Variants in NTM observed in about 807,000 individuals in gnomAD.
The protein encoded by NTM is IgLON family member 2.
Under a neutral mutation model 42.1 loss-of-function variants are expected in NTM, and 13 were observed. The observed-to-expected ratio is 0.31, with a 90% CI of 0.20 to 0.49. The LOEUF is 0.49. Ranked by LOEUF, NTM falls within the 20% of genes least tolerant of loss-of-function variation. The pLI is 0.99. For synonymous variants in NTM, 187 were observed against 179.2 expected (o/e 1.04, Z -0.35); for missense variants, 373 against 452.8 (o/e 0.82, Z 1.60).
At chr11:131,623,787 G>A (rs1287342854) in intron 1 of NTM, among the ~76,000 whole-genome samples, 2 of 152,220 alleles carry the variant, frequency 1.3e-5, no homozygotes, top group African/African-American at 4.8e-5. Flanking sequence ...GTGTAGGCTG[G>A]GAATGGAAAG....
At chr11:131,522,011 C>T (rs182870593) in intron 1 of NTM, among the ~76,000 whole-genome samples, 171 of 152,108 alleles carry the variant, frequency 1.1e-3, no homozygotes, top group Non-Finnish European at 1.9e-3. Flanking sequence ...TTTAAATTGA[C>T]GTGATTTATA....
intron 2 of NTM, among the ~76,000 whole-genome samples, chr11:132,112,364 A>T (rs534293694): frequency 2.4e-4 from 37 of 152,290 alleles, no homozygotes; most frequent in African/African-American, 8.7e-4. Context: ...TTAGGGGAAA[A>T]ATTTCTAAGG....
chr11:131,695,571 C>T (rs965894495), intron 1 of NTM, among the ~76,000 whole-genome samples: 2 of 152,100 alleles, frequency 1.3e-5, no homozygotes, highest in Admixed American at 6.5e-5. Flanking sequence ...CCCAACAAAC[C>T]TTGTCAGTCT....
At chr11:131,900,728 G>A (rs1213940653) in intron 1 of NTM, among the ~76,000 whole-genome samples, 1 of 152,176 alleles carries the variant, frequency 6.6e-6, no homozygotes, top group Non-Finnish European at 1.5e-5. Context: ...GATTAAAAGT[G>A]ACTCGATTTC....
intron 1 of NTM, among the ~76,000 whole-genome samples, chr11:131,445,198 G>A (rs1949960829): frequency 6.6e-6 from 1 of 152,180 alleles, no homozygotes; most frequent in African/African-American, 2.4e-5. Context: ...GCTTCTGAGA[G>A]CTGCATTGTA....
At chr11:131,974,566 A>G (rs953519833) in intron 2 of NTM, among the ~76,000 whole-genome samples, 3 of 152,342 alleles carry the variant, frequency 2.0e-5, no homozygotes, top group Admixed American at 2.0e-4. Flanking sequence ...AGAGGTGCAC[A>G]AAAGATACGT....
intron 1 of NTM, among the ~76,000 whole-genome samples, chr11:131,467,714 G>A (rs1003920545): frequency 1.3e-5 from 2 of 152,198 alleles, no homozygotes; most frequent in Admixed American, 1.3e-4. Context: ...TAGAATTACT[G>A]AAATGCTCAA....
chr11:131,416,177 A>C (rs1428015899), intron 1 of NTM, among the ~76,000 whole-genome samples: 2 of 151,142 alleles, frequency 1.3e-5, no homozygotes, highest in Non-Finnish European at 2.9e-5. Flanking sequence ...TGAATTAGGA[A>C]GTTTCTTCTT....
intron 1 of NTM, among the ~76,000 whole-genome samples, chr11:131,614,558 G>A (rs527294655): frequency 2.2e-4 from 33 of 152,336 alleles, no homozygotes; most frequent in African/African-American, 7.9e-4. Flanking sequence ...GGGCAGGGGT[G>A]CAGGATTATT....
chr11:131,422,443 T>C (rs1947636159), intron 1 of NTM, among the ~76,000 whole-genome samples: 1 of 152,170 alleles, frequency 6.6e-6, no homozygotes, highest in African/African-American at 2.4e-5. Context: ...CGTACCTGAG[T>C]CTTTAAGGGA....
At chr11:131,972,042 C>CAAAAAAAAAAAAAAAAAAAAAAAAAAA (rs61627120) in intron 2 of NTM, among the ~76,000 whole-genome samples, 1 of 57,842 alleles carries the variant, frequency 1.7e-5, no homozygotes, top group African/African-American at 6.8e-5. Flanking sequence ...GACTCCGTCT[C>CAAAAAAAAAAAAAAAAAAAAAAAAAAA]AAAAAAAAAA....
chr11:131,659,097 T>G (rs937575952), intron 1 of NTM, among the ~76,000 whole-genome samples: 16 of 152,110 alleles, frequency 1.1e-4, no homozygotes, highest in Middle Eastern at 3.2e-3. Flanking sequence ...TCCCTCAGGG[T>G]CCAGAGCAGG....
At chr11:131,447,462 C>T (rs1176535635) in intron 1 of NTM, among the ~76,000 whole-genome samples, 2 of 152,242 alleles carry the variant, frequency 1.3e-5, no homozygotes, top group East Asian at 1.9e-4. Flanking sequence ...TCCCTGTGGC[C>T]GTGCAGGCTG....
intron 1 of NTM, among the ~76,000 whole-genome samples, chr11:131,756,573 A>G (rs1422563427): frequency 6.6e-6 from 1 of 151,550 alleles, no homozygotes; most frequent in Non-Finnish European, 1.5e-5. Context: ...TTGTGGTCCC[A>G]GCTACTGGGG....
At chr11:132,079,392 A>G (rs1210658929) in intron 2 of NTM, among the ~76,000 whole-genome samples, 2 of 152,176 alleles carry the variant, frequency 1.3e-5, no homozygotes, top group Non-Finnish European at 2.9e-5. Context: ...ATCAACACCT[A>G]TAAACTCTAG....
At chr11:131,412,644 T>C (rs1946547833) in intron 1 of NTM, among the ~76,000 whole-genome samples, 1 of 152,202 alleles carries the variant, frequency 6.6e-6, no homozygotes, top group South Asian at 2.1e-4. Flanking sequence ...TGCTGAGTGA[T>C]GTGGTTTATT....
intron 1 of NTM, among the ~76,000 whole-genome samples, chr11:131,650,853 G>A (rs2066395341): frequency 6.6e-6 from 1 of 152,318 alleles, no homozygotes; most frequent in Middle Eastern, 3.4e-3. Context: ...TCAGGGGTTG[G>A]TAAATGAGTC....
intron 1 of NTM, among the ~76,000 whole-genome samples, chr11:131,446,423 A>G (rs1379780683): frequency 6.6e-6 from 1 of 152,080 alleles, no homozygotes; most frequent in Admixed American, 6.6e-5. Context: ...AGAATTTCCA[A>G]AAGAGCACAC....
chr11:131,847,157 T>C (rs142769214), intron 1 of NTM, among the ~76,000 whole-genome samples: 2 of 152,222 alleles, frequency 1.3e-5, no homozygotes, highest in East Asian at 1.9e-4. Context: ...ATCCCCCATA[T>C]TGAGGAATAT....
Sources: allele counts gnomAD v4.1 joint callset (sites outside exome capture counted in the v4.1 genomes callset), GRCh38; gene constraint gnomAD v4.1.1; transcripts MANE v1.5; gene names NCBI Gene and HGNC (gene_info 2026-07-23, HGNC 2026-07-21).